Variants in BUB1B observed in about 807,000 individuals in gnomAD.
BUB1B encodes the protein mitotic checkpoint serine/threonine-protein kinase BUB1 beta.
Under a neutral mutation model 137.7 loss-of-function variants are expected in BUB1B, and 86 were observed. That is an observed-to-expected ratio of 0.62 (90% CI 0.52 to 0.75). The LOEUF is 0.75. Among genes scored for constraint, BUB1B ranks in the 30% least tolerant of loss-of-function variants. The probability of loss-of-function intolerance (pLI) is 0.00; values close to 1 mark genes in which losing one functional copy is unlikely to be tolerated. For synonymous variants in BUB1B, 420 were observed against 417.9 expected (o/e 1.00, Z -0.06); for missense variants, 1,130 against 1,236.9 (o/e 0.91, Z 1.30).
intron 5 of BUB1B, among the ~76,000 whole-genome samples, chr15:40,180,201 C>T (rs2037268716): frequency 6.7e-6 from 1 of 150,024 alleles, no homozygotes; most frequent in Non-Finnish European, 1.5e-5. Context: ...CATCTTCTTT[C>T]CTGAAAAATA....
intron 8 of BUB1B, among the ~76,000 whole-genome samples, chr15:40,188,164 C>T (rs984332414): frequency 1.5e-4 from 23 of 152,118 alleles, no homozygotes; most frequent in Non-Finnish European, 2.5e-4. Context: ...TCTCCTGCCT[C>T]AGCCTCCTGA....
intron 15 of BUB1B, 39 bp downstream of exon 15, chr15:40,206,497 T>A: frequency 6.2e-7 from 1 of 1,612,506 alleles, no homozygotes; most frequent in Non-Finnish European, 8.5e-7. Context: ...CCAGATTGTT[T>A]ACTCTCTTAT....
intron 17 of BUB1B, 56 bp from the exon 18 acceptor site, chr15:40,210,054 T>C: frequency 7.1e-7 from 1 of 1,401,310 alleles, no homozygotes; most frequent in Non-Finnish European, 1.0e-6. Flanking sequence ...AGGTAAAAGC[T>C]ACAGGGCTGT....
In BUB1B at chr15:40,183,815, C is replaced by G; in HGVS notation, c.683C>G (p.Ala228Gly). Reference protein sequence around the residue: ...ESSVPQRSTLAELKSKGKKTA... With the variant: ...ESSVPQRSTLGELKSKGKKTA... ...TCTGTACCACAACGAAGCACACTAG[C>G]TGAACTAAAGAGCAAAGGGAAAAAG... The change falls in exon 6 of 23, where the codon GCT (alanine) becomes GGT (glycine). Residue 228 changes from alanine (A) to glycine (G), a missense_variant. Coordinates refer to ENST00000287598, the MANE Select transcript of BUB1B (RefSeq NM_001211.6). 1 of 1,614,072 alleles carries G rather than the reference C, an allele frequency of 6.2e-7. No individual in the cohort carries two copies. The highest frequency in any genetic ancestry group is 8.5e-7 in the Non-Finnish European group (1 of 1,179,994).
chr15:40,184,523 G>A (rs377580513), intron 6 of BUB1B, among the ~76,000 whole-genome samples: 49 of 152,122 alleles, frequency 3.2e-4, no homozygotes, highest in African/African-American at 1.1e-3. Flanking sequence ...TTGAGCAGAA[G>A]GTACAGAGAA....
At position 40,212,618 on chromosome 15, in the gene BUB1B, G is replaced by A; in HGVS notation, c.2505G>A (p.Trp835Ter). The A allele has an allele frequency of 6.2e-7, 1 of 1,613,372 alleles. No homozygotes were observed. The highest frequency in any genetic ancestry group is 1.1e-5 in the South Asian group (1 of 91,062). The change falls in exon 19 of 23, where the codon TGG becomes TGA. Residue 835 changes from tryptophan (W) to a stop codon, truncating the protein, a stop_gained. Coordinates refer to ENST00000287598, the MANE Select transcript of BUB1B (RefSeq NM_001211.6). LOFTEE classifies it high-confidence loss of function. Reference sequence around the variant, plus strand: ...AATATCAAGATGGCTGTATTGTTTGGCACCAATATATAAACTGCTTCACCC... The same window carrying A: ...AATATCAAGATGGCTGTATTGTTTGACACCAATATATAAACTGCTTCACCC... ...CYQYQDGCIVWHQYINCFTLQ... is the reference protein window; with the variant it reads ...CYQYQDGCIV
In BUB1B at chr15:40,196,549, C is replaced by T. The variant is rs753991264; in HGVS notation, c.1063C>T (p.Pro355Ser). Residue 355 changes from proline to serine, a missense_variant, in exon 9 of 23, where the codon CCA becomes TCA. Pro to Ser is a moderately conservative substitution (Grantham distance 74). Transcript: ENST00000287598. ...EETARQPVMT[P>S]CKIEPSINHI... ...ATAGTAATTTTGCTTCTTTAGGACA[C>T]CATGTAAAATTGAACCTAGTATAAA... 16 of 1,612,956 alleles carry T rather than the reference C, an allele frequency of 9.9e-6. No individual in the cohort carries two copies.
Position 40,200,328 on chromosome 15 carries a change from A to C in BUB1B, c.1486A>C (p.Ser496Arg). 6.2e-7 allele frequency: 1 copy of C among 1,613,950 alleles called. No homozygotes were observed. Among genetic ancestry groups the C allele is most frequent in the South Asian group, 1.1e-5 (1 of 91,070 alleles). The part of the protein sequence containing the change: ...SQKIPGMTLS[S>R]SVCQVNCCAR... ...GAAAATACCAGGAATGACTCTATCC[A>C]GTTCTGTTTGTCAAGTAAACTGTTG... The change falls in exon 11 of 23, where the codon AGT becomes CGT. Residue 496 changes from serine (S) to arginine (R), a missense_variant. Transcript: ENST00000287598.
intron 4 of BUB1B, among the ~76,000 whole-genome samples, chr15:40,172,184 CTAAAA>C (rs1262630563): frequency 6.6e-6 from 1 of 151,060 alleles, no homozygotes; most frequent in Non-Finnish European, 1.5e-5. Context: ...AAATTTCTTA[CTAAAA>C]TAAAGTAATA....
In BUB1B at chr15:40,209,670, C is replaced by T. The variant is rs577591919; in HGVS notation, c.2179C>T (p.Arg727Cys). 1.2e-4 allele frequency: 191 copies of T among 1,614,082 alleles called. 1 individual carries two copies. The South Asian group carries it at 2.0e-3, about 17-fold the overall frequency. ...TCAGTCACCATGGTGTTCACAGTAT[C>T]GCAGACAGCTACTGAAGTCCCTACC... ...PTQSPWCSQY[R>C]RQLLKSLPEL... Residue 727 changes from arginine to cysteine, a missense_variant, in exon 17 of 23, where the codon CGC (arginine) becomes TGC (cysteine). Coordinates refer to ENST00000287598, the MANE Select transcript of BUB1B (RefSeq NM_001211.6).
intron 22 of BUB1B, among the ~76,000 whole-genome samples, chr15:40,219,849 T>G (rs1280692574): frequency 6.6e-6 from 1 of 152,218 alleles, no homozygotes; most frequent in Non-Finnish European, 1.5e-5. Flanking sequence ...CCTTCTCTAT[T>G]TTCATCTTTG....
chr15:40,198,132 T>G (rs2037520077), intron 9 of BUB1B, among the ~76,000 whole-genome samples: 1 of 152,104 alleles, frequency 6.6e-6, no homozygotes, highest in South Asian at 2.1e-4. Flanking sequence ...AAAGGTACAT[T>G]TTGTTTTCAA....
chr15:40,180,642 C>CTTTTTTT (rs71132149), intron 5 of BUB1B, among the ~76,000 whole-genome samples: 32 of 65,830 alleles, frequency 4.9e-4, no homozygotes, highest in East Asian at 2.1e-3. Context: ...TTTTCTTTTT[C>CTTTTTTT]TTTTTTTTTT....
At position 40,220,551 on chromosome 15, in the gene BUB1B, T is replaced by A. The variant is rs774135405; in HGVS notation, c.2958-13T>A. 5 of 1,613,708 alleles carry A rather than the reference T, an allele frequency of 3.1e-6. No homozygotes were observed. The Admixed American group carries it at 8.3e-5, about 27-fold the overall frequency. On this transcript the variant is annotated splice_polypyrimidine_tract_variant and intron_variant, in intron 22 of 22. Transcript: ENST00000287598. Reference sequence around the variant, plus strand: ...TGCCTAATCTTGATGGAAATGGTTTTATATATTTTTAGGCTAAAAGATGGT... The same window carrying A: ...TGCCTAATCTTGATGGAAATGGTTTAATATATTTTTAGGCTAAAAGATGGT...
Position 40,212,551 on chromosome 15 carries a change from A to C in BUB1B, c.2438A>C (p.Glu813Ala), listed in dbSNP as rs149955447. Residue 813 changes from glutamate to alanine, a missense_variant, in exon 19 of 23, where the codon GAA becomes GCA. Glu to Ala is a moderately radical substitution (Grantham distance 107). Transcript: ENST00000287598. ...WDFYINLKLK[E>A]RLNEDFDHFC... ...TTTTATATCAACCTCAAGTTAAAGG[A>C]ACGTTTAAATGAAGATTTTGATCAT... 14 of 1,613,030 alleles carry C rather than the reference A, an allele frequency of 8.7e-6. No individual in the cohort carries two copies. Among genetic ancestry groups the C allele is most frequent in the South Asian group, 1.1e-5 (1 of 91,062 alleles).
intron 8 of BUB1B, among the ~76,000 whole-genome samples, chr15:40,186,203 T>A (rs2037358695): frequency 6.6e-6 from 1 of 152,146 alleles, no homozygotes; most frequent in Admixed American, 6.5e-5. Context: ...ATAATGGGGA[T>A]GTAGGGAAAA....
At chr15:40,183,488 G>A (rs1272533047) in intron 5 of BUB1B, among the ~76,000 whole-genome samples, 3 of 152,124 alleles carry the variant, frequency 2.0e-5, no homozygotes, top group Non-Finnish European at 2.9e-5. Context: ...ATTTAAATTG[G>A]TCAAACTTGG....
chr15:40,189,619 C>A (rs1296829497), intron 8 of BUB1B, among the ~76,000 whole-genome samples: 4 of 152,222 alleles, frequency 2.6e-5, no homozygotes, highest in African/African-American at 9.6e-5. Flanking sequence ...TCAGTTGATA[C>A]AAATTTTAAT....
intron 6 of BUB1B, 48 bp from the exon 7 acceptor site, chr15:40,185,117 G>A (rs764217887): frequency 5.3e-6 from 8 of 1,509,964 alleles, no homozygotes; most frequent in South Asian, 4.5e-5. Flanking sequence ...TGGCATCTAA[G>A]TTAATAATGA....
Sources: allele counts gnomAD v4.1 joint callset (sites outside exome capture counted in the v4.1 genomes callset), GRCh38; gene constraint gnomAD v4.1.1; transcripts MANE v1.5; gene names NCBI Gene and HGNC (gene_info 2026-07-23, HGNC 2026-07-21).